MRAP2: variants seen among roughly 807,000 people sequenced by gnomAD.
MRAP2 encodes the protein melanocortin-2 receptor accessory protein 2.
Under a neutral mutation model 17.4 loss-of-function variants are expected in MRAP2, and 20 were observed. That is an observed-to-expected ratio of 1.15 (90% CI 0.81 to 1.67). MRAP2 has a LOEUF of 1.67. Ranked by LOEUF, MRAP2 falls within the 40% of genes most tolerant of loss-of-function variation. The pLI is 0.00. For missense variants in MRAP2, 238 were observed against 240.0 expected (o/e 0.99, Z 0.05); for synonymous variants, 96 against 88.4 (o/e 1.09, Z -0.48).
intron 3 of MRAP2, among the ~76,000 whole-genome samples, chr6:84,085,090 C>G (rs145903667): frequency 0.14 from 20,550 of 151,576 alleles, 1,427 homozygotes; most frequent in Middle Eastern, 0.23. Context: ...GAGTCTCACT[C>G]TGTCCCCAGG....
At chr6:84,057,038 A>G (rs1236128235) in intron 2 of MRAP2, among the ~76,000 whole-genome samples, 1 of 152,238 alleles carries the variant, frequency 6.6e-6, no homozygotes, top group African/African-American at 2.4e-5. Context: ...ATAAAACAAA[A>G]ATGCCTGAGC....
chr6:84,107,821 G>C, the MRAP2 span, among the ~76,000 whole-genome samples: 7 of 152,250 alleles, frequency 4.6e-5, no homozygotes, highest in Non-Finnish European at 7.3e-5. Context: ...CAGCTCCCAA[G>C]AGATGTGTTA....
At chr6:84,111,532 A>G in the MRAP2 span, among the ~76,000 whole-genome samples, 19 of 152,228 alleles carry the variant, frequency 1.2e-4, no homozygotes, top group African/African-American at 4.6e-4. Context: ...CTAAATATAC[A>G]ATCATGTCAT....
rs146989272 is a variant in MRAP2 at position 84,081,556 on chromosome 6, T to C, written c.228-7535T>C. Among the ~76,000 whole-genome samples the C allele has an allele frequency of 6.1e-3, 930 of 152,338 alleles. 6 individuals carry two copies. The highest frequency in any genetic ancestry group is 0.021 in the African/African-American group (891 of 41,590). On this transcript the variant is annotated intron_variant, in intron 3 of 3. Transcript: ENST00000257776. The stretch of plus-strand genomic sequence containing the variant: ...TTCCTTGGCTGGGCACAGTGGCTCA[T>C]GCCTATAATCCCAGCAGTTTGGGAG...
In MRAP2 at chr6:84,089,171, TA is replaced by T; in HGVS notation, c.309del (p.Ser105LeufsTer54). ...DFGRPLEPDK[V>X]FSRQGNEESR... ...GGAAGACCTCTGGAGCCAGATAAAG[TA>T]TTTTCTCGCCAAGGCAACGAGGAGT... On this transcript the variant is annotated frameshift_variant, in exon 4 of 4. Transcript: ENST00000257776. LOFTEE classifies it high-confidence loss of function. 2.5e-6 allele frequency: 4 copies of T among 1,614,184 alleles called. No homozygotes were observed. Among genetic ancestry groups the T allele is most frequent in the Non-Finnish European group, 3.4e-6 (4 of 1,180,036 alleles).
intron 1 of MRAP2, among the ~76,000 whole-genome samples, chr6:84,054,956 G>A (rs1322406404): frequency 6.6e-6 from 1 of 152,154 alleles, no homozygotes; most frequent in African/African-American, 2.4e-5. Context: ...GCAGGTATAG[G>A]TGCTGAGGCT....
chr6:84,047,530 T>A (rs1324300224), intron 1 of MRAP2, among the ~76,000 whole-genome samples: 1 of 152,206 alleles, frequency 6.6e-6, no homozygotes, highest in African/African-American at 2.4e-5. Flanking sequence ...AGAACTTTTT[T>A]GTATTTTGGT....
At chr6:84,108,751 T>C in the MRAP2 span, among the ~76,000 whole-genome samples, 1 of 152,216 alleles carries the variant, frequency 6.6e-6, no homozygotes. Flanking sequence ...TCTTTGACCA[T>C]GTTTATGTCC....
chr6:84,134,182 C>G, the MRAP2 span, among the ~76,000 whole-genome samples: 2 of 152,158 alleles, frequency 1.3e-5, no homozygotes, highest in East Asian at 3.9e-4. Flanking sequence ...TTACTCAAGC[C>G]TCAGTAATGG....
At chr6:84,043,537 T>C (rs1312091112) in intron 1 of MRAP2, among the ~76,000 whole-genome samples, 1 of 152,082 alleles carries the variant, frequency 6.6e-6, no homozygotes, top group Non-Finnish European at 1.5e-5. Flanking sequence ...ATTTTGAGGG[T>C]TCCCCCGCTG....
the MRAP2 span, among the ~76,000 whole-genome samples, chr6:84,135,545 A>C: frequency 6.6e-6 from 1 of 152,308 alleles, no homozygotes; most frequent in East Asian, 1.9e-4. Context: ...CTGAACCACA[A>C]AATTATTCCT....
At chr6:84,144,176 A>G in the MRAP2 span, among the ~76,000 whole-genome samples, 4 of 152,048 alleles carry the variant, frequency 2.6e-5, no homozygotes. Context: ...TTCTCCTTTT[A>G]CAAATAGAGA....
chr6:84,043,489 T>C (rs2129159278), intron 1 of MRAP2, among the ~76,000 whole-genome samples: 1 of 152,320 alleles, frequency 6.6e-6, no homozygotes, highest in Non-Finnish European at 1.5e-5. Context: ...GAAGTCCAGC[T>C]TGCAGGTGGA....
chr6:84,091,093 A>G (rs1481109616), downstream of MRAP2, among the ~76,000 whole-genome samples: 2 of 152,184 alleles, frequency 1.3e-5, no homozygotes, highest in Non-Finnish European at 2.9e-5. Context: ...AGAAAATATC[A>G]TTCTTTAAGA....
At chr6:84,058,867 A>T (rs2099492360) in intron 2 of MRAP2, among the ~76,000 whole-genome samples, 1 of 152,184 alleles carries the variant, frequency 6.6e-6, no homozygotes, top group African/African-American at 2.4e-5. Flanking sequence ...TGACCATTGG[A>T]TTTATAATGT....
intron 3 of MRAP2, among the ~76,000 whole-genome samples, chr6:84,073,895 T>G (rs978924841): frequency 4.6e-5 from 7 of 151,592 alleles, no homozygotes; most frequent in African/African-American, 1.7e-4. Context: ...TGTGTTTTTT[T>G]TTTTTTTTCT....
the MRAP2 span, among the ~76,000 whole-genome samples, chr6:84,110,667 G>A: frequency 1.3e-5 from 2 of 152,010 alleles, no homozygotes; most frequent in African/African-American, 4.8e-5. Flanking sequence ...AGTCATGAAG[G>A]CTTTGCCCAT....
intron 1 of MRAP2, among the ~76,000 whole-genome samples, chr6:84,037,697 GGCGCCCCCTCTGCA>G (rs2099486501): frequency 6.6e-6 from 1 of 152,174 alleles, no homozygotes. Context: ...TGGGGGACCT[GGCGCCCCCTCTGCA>G]GCTGCTGGCC....
the MRAP2 span, among the ~76,000 whole-genome samples, chr6:84,104,174 C>G: frequency 2.6e-5 from 4 of 151,712 alleles, no homozygotes; most frequent in Admixed American, 6.6e-5. Flanking sequence ...TCTGAAGCCA[C>G]AGGCCGAGCT....
Sources: allele counts gnomAD v4.1 joint callset (sites outside exome capture counted in the v4.1 genomes callset), GRCh38; gene constraint gnomAD v4.1.1; transcripts MANE v1.5; gene names NCBI Gene and HGNC (gene_info 2026-07-23, HGNC 2026-07-21).